Variants in BRINP3 observed in about 807,000 individuals in gnomAD.
BRINP3 encodes BMP/retinoic acid-inducible neural-specific protein 3.
A neutral mutation model predicts 71.0 loss-of-function variants in BRINP3; 19 were observed. That is an observed-to-expected ratio of 0.27 (90% CI 0.19 to 0.39). BRINP3 has a LOEUF of 0.39. Ranked by LOEUF, BRINP3 falls within the 10% of genes least tolerant of loss-of-function variation. The pLI is 1.00. For synonymous variants in BRINP3, 380 were observed against 337.7 expected, an observed-to-expected ratio of 1.13 and a Z score of -1.37; for missense variants, 959 against 940.8, an observed-to-expected ratio of 1.02 and a Z score of -0.25.
At position 190,098,178 on chromosome 1, in the gene BRINP3, G is replaced by A; in HGVS notation, c.2141C>T (p.Ser714Phe). The change falls in exon 8 of 8, where the codon TCC (serine) becomes TTC (phenylalanine). Residue 714 changes from serine (S) to phenylalanine (F), a missense_variant. Ser to Phe is a radical substitution (Grantham distance 155, BLOSUM62 -2). Transcript: ENST00000367462. The stretch of plus-strand genomic sequence containing the variant: ...ATCTAGACGACGCTGACCAGGTGGG[G>A]AGAGTTTATTTACACGGTCTCTGAT... ...LEIRDRVNKL[S>F]PPGQRRLDLF... The A allele has an allele frequency of 6.2e-7, 1 of 1,614,136 alleles. No individual in the cohort carries two copies. The highest frequency in any genetic ancestry group is 8.5e-7 in the Non-Finnish European group (1 of 1,180,028).
At chr1:190,379,725 C>T (rs558098575) in intron 2 of BRINP3, among the ~76,000 whole-genome samples, 2 of 152,004 alleles carry the variant, frequency 1.3e-5, no homozygotes, top group African/African-American at 2.4e-5. Flanking sequence ...TAGGGCTGGG[C>T]GCGGTGGTTC....
At chr1:190,374,710 T>G (rs1670079439) in intron 2 of BRINP3, among the ~76,000 whole-genome samples, 1 of 151,378 alleles carries the variant, frequency 6.6e-6, no homozygotes, top group Non-Finnish European at 1.5e-5. Context: ...ATAACAATAA[T>G]AAGAACAAAA....
At chr1:190,143,903 C>T (rs1408153176) in intron 7 of BRINP3, among the ~76,000 whole-genome samples, 1 of 152,094 alleles carries the variant, frequency 6.6e-6, no homozygotes, top group Non-Finnish European at 1.5e-5. Context: ...ATAGCCATGA[C>T]CATTTATAAT....
rs958872900 is a variant in BRINP3 at position 190,232,018 on chromosome 1, T to C, written c.724+2354A>G. ...ATTTCAGGATTCTCTCAATAATATA[T>C]CTAAATTCAGAAGATTCCAAAATGG... On this transcript the variant is annotated intron_variant, in intron 5 of 7. Coordinates refer to ENST00000367462, the MANE Select transcript of BRINP3 (RefSeq NM_199051.3). Among the ~76,000 whole-genome samples the C allele has an allele frequency of 5.3e-5, 8 of 151,930 alleles. 1 individual carries two copies. Among genetic ancestry groups the C allele is most frequent in the African/African-American group, 1.9e-4 (8 of 41,410 alleles).
At chr1:190,395,974 G>A (rs1226239165) in intron 2 of BRINP3, among the ~76,000 whole-genome samples, 1 of 141,824 alleles carries the variant, frequency 7.1e-6, no homozygotes, top group Non-Finnish European at 1.5e-5. Context: ...CAGAAGGAAA[G>A]AAGGAAGGAA....
At chr1:190,157,317 A>G (rs1656956987) in intron 7 of BRINP3, among the ~76,000 whole-genome samples, 1 of 151,960 alleles carries the variant, frequency 6.6e-6, no homozygotes, top group South Asian at 2.1e-4. Context: ...ATTGGGAGAA[A>G]TCTGCATATA....
intron 2 of BRINP3, among the ~76,000 whole-genome samples, chr1:190,325,336 T>A (rs913454541): frequency 1.2e-4 from 19 of 152,030 alleles, no homozygotes; most frequent in Non-Finnish European, 2.4e-4. Context: ...CTTTACATTT[T>A]AGATCTGGAA....
intron 4 of BRINP3, among the ~76,000 whole-genome samples, chr1:190,243,303 A>C (rs1659287128): frequency 6.6e-6 from 1 of 152,086 alleles, no homozygotes; most frequent in Non-Finnish European, 1.5e-5. Context: ...TGGAGATGCC[A>C]AGTCTGTAAA....
At chr1:190,345,715 G>GGAAA (rs776250039) in intron 2 of BRINP3, among the ~76,000 whole-genome samples, 2 of 103,632 alleles carry the variant, frequency 1.9e-5, no homozygotes, top group East Asian at 2.8e-4. Flanking sequence ...TTTACCTTCA[G>GGAAA]AAAAAAAAAA....
chr1:190,118,368 A>G (rs1362878529), intron 7 of BRINP3, among the ~76,000 whole-genome samples: 1 of 152,100 alleles, frequency 6.6e-6, no homozygotes, highest in East Asian at 1.9e-4. Flanking sequence ...ATATTGACTT[A>G]TTGACTGGTG....
chr1:190,226,053 A>G, intron 6 of BRINP3, 29 bp downstream of exon 6: 1 of 1,371,502 alleles, frequency 7.3e-7, no homozygotes, highest in South Asian at 1.5e-5. Flanking sequence ...TCAATATTTA[A>G]AAGTGTTATA....
chr1:190,255,443 T>A (rs1660576104), intron 4 of BRINP3, among the ~76,000 whole-genome samples: 1 of 152,150 alleles, frequency 6.6e-6, no homozygotes, highest in South Asian at 2.1e-4. Flanking sequence ...TGCAATTAAT[T>A]ATTGTCTCAA....
At chr1:190,248,193 CA>C (rs1031973993) in intron 4 of BRINP3, among the ~76,000 whole-genome samples, 1 of 151,742 alleles carries the variant, frequency 6.6e-6, no homozygotes, top group African/African-American at 2.4e-5. Flanking sequence ...TAGATTCGTG[CA>C]AACGTAATTG....
intron 2 of BRINP3, among the ~76,000 whole-genome samples, chr1:190,297,243 G>A (rs1021689183): frequency 1.3e-5 from 2 of 151,872 alleles, no homozygotes; most frequent in Non-Finnish European, 2.9e-5. Context: ...ATTCATATAT[G>A]GTTATCTAAT....
At chr1:190,377,039 A>G (rs915535718) in intron 2 of BRINP3, among the ~76,000 whole-genome samples, 3 of 152,018 alleles carry the variant, frequency 2.0e-5, no homozygotes, top group Non-Finnish European at 2.9e-5. Flanking sequence ...TAGAACAAAT[A>G]AGAAAATTTT....
intron 2 of BRINP3, among the ~76,000 whole-genome samples, chr1:190,451,771 A>G (rs1675623624): frequency 6.6e-6 from 1 of 152,182 alleles, no homozygotes; most frequent in African/African-American, 2.4e-5. Context: ...GACAATTTTA[A>G]AAAATCTTAG....
intron 4 of BRINP3, among the ~76,000 whole-genome samples, chr1:190,253,573 C>G (rs901427888): frequency 1.3e-5 from 2 of 152,052 alleles, no homozygotes; most frequent in Non-Finnish European, 2.9e-5. Flanking sequence ...TAAATGTCTT[C>G]TTTTGAGAAG....
At chr1:190,316,214 G>A (rs1424845333) in intron 2 of BRINP3, among the ~76,000 whole-genome samples, 1 of 152,040 alleles carries the variant, frequency 6.6e-6, no homozygotes, top group Non-Finnish European at 1.5e-5. Context: ...GAAACTTCGT[G>A]GTTTGTTTGT....
At chr1:190,254,114 C>A (rs1171436269) in intron 4 of BRINP3, among the ~76,000 whole-genome samples, 2 of 152,122 alleles carry the variant, frequency 1.3e-5, no homozygotes, top group Non-Finnish European at 2.9e-5. Context: ...CTGTTCTGTT[C>A]CATTGGTATA....
Sources: allele counts gnomAD v4.1 joint callset (sites outside exome capture counted in the v4.1 genomes callset), GRCh38; gene constraint gnomAD v4.1.1; transcripts MANE v1.5; gene names NCBI Gene and HGNC (gene_info 2026-07-23, HGNC 2026-07-21).